Variants in PRKAR1A observed in about 807,000 individuals in gnomAD.
PRKAR1A encodes cAMP-dependent protein kinase type I-alpha regulatory subunit.
In PRKAR1A, 3 loss-of-function variants were observed where a neutral mutation model predicts 52.0. The ratio of observed to expected loss-of-function variants is 0.06; its 90% CI spans 0.03 to 0.15. PRKAR1A has a LOEUF of 0.15. Among genes scored for constraint, PRKAR1A ranks in the 10% least tolerant of loss-of-function variants. The pLI, the probability that PRKAR1A is intolerant of heterozygous loss-of-function variation, is 1.00. For missense variants in PRKAR1A, 240 were observed against 477.4 expected (o/e 0.50, Z 4.63); for synonymous variants, 188 against 168.4 (o/e 1.12, Z -0.90).
the PRKAR1A span, among the ~76,000 whole-genome samples, chr17:68,433,171 ATG>A: frequency 6.6e-6 from 1 of 152,264 alleles, no homozygotes; most frequent in Non-Finnish European, 1.5e-5. Context: ...TACTACTGTT[ATG>A]TTCATTTTGC....
the PRKAR1A span, among the ~76,000 whole-genome samples, chr17:68,428,088 G>T: frequency 6.6e-6 from 1 of 152,118 alleles, no homozygotes; most frequent in South Asian, 2.1e-4. Flanking sequence ...TGTAAGGATG[G>T]GGTTTCACCA....
At chr17:68,488,972 C>T in the PRKAR1A span, among the ~76,000 whole-genome samples, 2 of 150,780 alleles carry the variant, frequency 1.3e-5, no homozygotes, top group Admixed American at 6.6e-5. Flanking sequence ...AAGCACTTTA[C>T]ACAATTTTTA....
At chr17:68,508,696 T>C (rs2085226950), upstream of PRKAR1A, among the ~76,000 whole-genome samples, 1 of 152,214 alleles carries the variant, frequency 6.6e-6, no homozygotes, top group African/African-American at 2.4e-5. Flanking sequence ...TAAGTAAATA[T>C]GCTATTTTTG....
chr17:68,477,699 T>TG, the PRKAR1A span, among the ~76,000 whole-genome samples: 1 of 151,202 alleles, frequency 6.6e-6, no homozygotes, highest in Non-Finnish European at 1.5e-5. Flanking sequence ...TTATTCTTGT[T>TG]TTTTTTTTTG....
At chr17:68,436,376 A>G in the PRKAR1A span, 4 of 1,613,414 alleles carry the variant, frequency 2.5e-6, no homozygotes, top group African/African-American at 5.3e-5. Context: ...GTCACCGTCA[A>G]CTTACCAGGG....
chr17:68,509,405 A>T (rs2143066164), upstream of PRKAR1A, among the ~76,000 whole-genome samples: 1 of 152,272 alleles, frequency 6.6e-6, no homozygotes, highest in South Asian at 2.1e-4. Flanking sequence ...GGCCCAAGGA[A>T]GCCTCCAGCC....
At chr17:68,488,026 C>T in the PRKAR1A span, among the ~76,000 whole-genome samples, 11,508 of 152,054 alleles carry the variant, frequency 0.076, 568 homozygotes, top group Non-Finnish European at 0.11. Context: ...TCATGTAATA[C>T]GTCAGATCGT....
chr17:68,499,875 C>T, the PRKAR1A span, among the ~76,000 whole-genome samples: 16 of 152,334 alleles, frequency 1.1e-4, no homozygotes, highest in East Asian at 5.8e-4. Context: ...CATGCAGTTA[C>T]GACTTTTGAC....
At chr17:68,529,012 T>G (rs2085880820) in intron 9 of PRKAR1A, 21 bp downstream of exon 9, 1 of 1,613,334 alleles carries the variant, frequency 6.2e-7, no homozygotes, top group African/African-American at 1.3e-5. Context: ...CAGAATTTAA[T>G]ACTTGAATTT....
chr17:68,457,909 G>A, the PRKAR1A span, among the ~76,000 whole-genome samples: 10 of 152,196 alleles, frequency 6.6e-5, no homozygotes, highest in Non-Finnish European at 1.2e-4. Context: ...GAAGGAATGC[G>A]GCTGGGGCCA....
chr17:68,523,497 G>A (rs540842778), intron 3 of PRKAR1A, among the ~76,000 whole-genome samples: 109 of 152,342 alleles, frequency 7.2e-4, no homozygotes, highest in African/African-American at 2.3e-3. Flanking sequence ...TGGGAACCAA[G>A]TACCAGACTT....
the PRKAR1A span, among the ~76,000 whole-genome samples, chr17:68,426,427 C>G: frequency 2.0e-5 from 3 of 152,086 alleles, no homozygotes; most frequent in South Asian, 6.2e-4. Context: ...GAGGTAGGGT[C>G]TCAGTATGTT....
chr17:68,543,033 C>T (rs1014672928), intron 11 of PRKAR1A, among the ~76,000 whole-genome samples: 3 of 152,098 alleles, frequency 2.0e-5, no homozygotes, highest in African/African-American at 7.2e-5. Flanking sequence ...ATCCTTATTC[C>T]GTCAAGCCTC....
At chr17:68,426,293 C>T in the PRKAR1A span, 4 of 791,892 alleles carry the variant, frequency 5.1e-6, no homozygotes, top group African/African-American at 6.8e-5. Context: ...GGCTGTCTGT[C>T]TTCCCCCTGG....
At chr17:68,485,491 C>T in the PRKAR1A span, among the ~76,000 whole-genome samples, 2 of 152,136 alleles carry the variant, frequency 1.3e-5, no homozygotes, top group African/African-American at 4.8e-5. Context: ...TATTTTGACC[C>T]TTTGATCTTT....
At chr17:68,420,446 C>T in the PRKAR1A span, 12 of 1,613,930 alleles carry the variant, frequency 7.4e-6, no homozygotes, top group East Asian at 2.2e-5. Context: ...AATTGCCTGC[C>T]GCTGTCAAGC....
intron 11 of PRKAR1A, among the ~76,000 whole-genome samples, chr17:68,546,568 C>A (rs554504956): frequency 1.3e-5 from 2 of 151,978 alleles, no homozygotes; most frequent in Non-Finnish European, 1.5e-5. Flanking sequence ...TGGTGGCTCG[C>A]GCCTATAATC....
At chr17:68,446,865 G>A in the PRKAR1A span, among the ~76,000 whole-genome samples, 2 of 152,144 alleles carry the variant, frequency 1.3e-5, no homozygotes, top group African/African-American at 2.4e-5. Flanking sequence ...CTGAATTTCA[G>A]GTCACCCTCA....
chr17:68,524,160 T>G (rs982218837), intron 5 of PRKAR1A, 83 bp downstream of exon 5: 44 of 1,434,520 alleles, frequency 3.1e-5, no homozygotes, highest in Middle Eastern at 3.5e-4. Context: ...TTATTGAAGT[T>G]TGTTTTCCTC....
Sources: allele counts gnomAD v4.1 joint callset (sites outside exome capture counted in the v4.1 genomes callset), GRCh38; gene constraint gnomAD v4.1.1; transcripts MANE v1.5; gene names NCBI Gene and HGNC (gene_info 2026-07-23, HGNC 2026-07-21).